Variants in DOCK7 observed in about 807,000 individuals in gnomAD.
DOCK7 encodes dedicator of cytokinesis 7, also known as dedicator of cytokinesis protein 7.
In DOCK7, 138 loss-of-function variants were observed where a neutral mutation model predicts 271.0. The observed-to-expected ratio is 0.51, with a 90% confidence interval of 0.44 to 0.59. The LOEUF (loss-of-function observed/expected upper bound fraction) is 0.59. DOCK7 is among the 20% of genes least tolerant of loss of function. The pLI is 0.00. For synonymous variants in DOCK7, 823 were observed against 876.1 expected, an observed-to-expected ratio of 0.94 and a Z score of 1.07; for missense variants, 2,066 against 2,592.4, an observed-to-expected ratio of 0.80 and a Z score of 4.41.
chr1:62,534,485 C>T (rs147016591), intron 29 of DOCK7, among the ~76,000 whole-genome samples: 5 of 152,096 alleles, frequency 3.3e-5, no homozygotes, highest in South Asian at 4.1e-4. Context: ...AGTGGTGGCA[C>T]GCGCCTGTAG....
intron 14 of DOCK7, among the ~76,000 whole-genome samples, chr1:62,611,709 T>C (rs1161961553): frequency 6.6e-6 from 1 of 152,156 alleles, no homozygotes; most frequent in Non-Finnish European, 1.5e-5. Flanking sequence ...GGCCAAGCTC[T>C]TCCTTGAAAC....
intron 4 of DOCK7, among the ~76,000 whole-genome samples, chr1:62,651,276 C>T (rs1657321744): frequency 8.0e-6 from 1 of 125,536 alleles, no homozygotes; most frequent in Non-Finnish European, 1.6e-5. Context: ...AGGGGAACAT[C>T]ACACACAGGG....
intron 18 of DOCK7, among the ~76,000 whole-genome samples, chr1:62,567,195 G>A (rs1215248791): frequency 1.3e-5 from 2 of 152,152 alleles, no homozygotes; most frequent in Admixed American, 6.5e-5. Context: ...TCCCATTACT[G>A]GGTATATACC....
chr1:62,561,519 C>T (rs1348637711), intron 19 of DOCK7, 98 bp downstream of exon 19: 2 of 592,290 alleles, frequency 3.4e-6, no homozygotes, highest in Non-Finnish European at 5.4e-6. Flanking sequence ...ACAGCAATGA[C>T]AGATTTATGA....
In DOCK7 at chr1:62,505,769, T is replaced by C. The variant is rs764019765; in HGVS notation, c.4524A>G (p.Leu1508=). ...AGGCCATGCTGTGTAGTAGCACTTT[T>C]AGCACTCCACCAAGAATGCTCTCTT... ...ESKESILGGV[L]KVLLHSMACN... Residue 1508 remains leucine, a synonymous_variant, in exon 36 of 50, where the codon CTA becomes CTG. Transcript: ENST00000635253. The C allele has an allele frequency of 6.2e-7, 1 of 1,613,594 alleles. No homozygotes were observed. Among genetic ancestry groups the C allele is most frequent in the East Asian group, 2.2e-5 (1 of 44,834 alleles).
intron 15 of DOCK7, among the ~76,000 whole-genome samples, chr1:62,586,262 T>A (rs879936578): frequency 6.6e-6 from 1 of 152,184 alleles, no homozygotes; most frequent in Non-Finnish European, 1.5e-5. Context: ...ATTCATTTTA[T>A]ATCCTCTGGA....
At position 62,545,059 on chromosome 1, in the gene DOCK7, C is replaced by G. The variant is rs1226643520; in HGVS notation, c.2767-20G>C. 1 of 1,525,594 alleles carries G rather than the reference C, an allele frequency of 6.6e-7. No individual in the cohort carries two copies. Among genetic ancestry groups the G allele is most frequent in the South Asian group, 1.2e-5 (1 of 80,630 alleles). 94.5% of individuals were successfully genotyped at this position (1,525,594 alleles called of 1,614,324 possible). On this transcript the variant is annotated intron_variant, in intron 22 of 49. Coordinates refer to ENST00000635253, the MANE Select transcript of DOCK7 (RefSeq NM_001367561.1). ...TAAACCCTAAGCATATAATAGAAAG[C>G]AGTTTGAAAGGAAAGAAATATTACA...
intron 37 of DOCK7, 147 bp from the exon 38 acceptor site, chr1:62,496,644 C>T (rs537235621): frequency 4.1e-6 from 3 of 734,214 alleles, no homozygotes; most frequent in African/African-American, 1.8e-5. Flanking sequence ...ATATCAAAAT[C>T]TTATTTTAGA....
At chr1:62,553,796 C>T (rs1193099756) in intron 21 of DOCK7, among the ~76,000 whole-genome samples, 1 of 149,442 alleles carries the variant, frequency 6.7e-6, no homozygotes. Flanking sequence ...GTATATTACA[C>T]ATACAATAAA....
At chr1:62,612,941 C>T (rs1046548763) in intron 14 of DOCK7, among the ~76,000 whole-genome samples, 4 of 152,188 alleles carry the variant, frequency 2.6e-5, no homozygotes, top group African/African-American at 9.6e-5. Context: ...GCCAAGAATA[C>T]CATGTGTTCT....
intron 31 of DOCK7, among the ~76,000 whole-genome samples, chr1:62,520,024 T>C (rs1198740200): frequency 6.6e-6 from 1 of 152,160 alleles, no homozygotes; most frequent in Non-Finnish European, 1.5e-5. Context: ...ATTTAATAAA[T>C]GGTGTTCGGA....
chr1:62,666,338 AG>A (rs1659315430), intron 1 of DOCK7, among the ~76,000 whole-genome samples: 1 of 152,220 alleles, frequency 6.6e-6, no homozygotes, highest in Admixed American at 6.5e-5. Context: ...CTTCAAAAAG[AG>A]GCAATCTTTT....
chr1:62,479,832 T>A lies in DOCK7; in HGVS notation c.5509-2007A>T, dbSNP rs187995477. ...CTGAGTAGCTAGGACTACAGAAGCA[T>A]GCCACCACACCCAGCTAATTTTTTG... On this transcript the variant is annotated intron_variant, in intron 43 of 49. Coordinates refer to ENST00000635253, the MANE Select transcript of DOCK7 (RefSeq NM_001367561.1). The A allele has an allele frequency of 6.6e-3, 1,254 of 190,038 alleles. 10 individuals carry two copies. The highest frequency in any genetic ancestry group is 9.3e-3 in the Non-Finnish European group (796 of 85,510). 11.8% of individuals were successfully genotyped at this position (190,038 alleles called of 1,614,324 possible). A position where few individuals can be genotyped will look rare whatever the true frequency, so the allele number is the denominator to read the frequency against.
intron 14 of DOCK7, among the ~76,000 whole-genome samples, chr1:62,616,576 G>A (rs188836911): frequency 3.3e-5 from 5 of 151,844 alleles, no homozygotes; most frequent in Non-Finnish European, 5.9e-5. Context: ...AATGAAGTAA[G>A]AAGGCTTGGG....
intron 48 of DOCK7, among the ~76,000 whole-genome samples, chr1:62,472,247 T>C (rs1369811704): frequency 1.3e-5 from 2 of 151,914 alleles, no homozygotes; most frequent in African/African-American, 2.4e-5. Context: ...TGGGATTACA[T>C]GCGCCCACCA....
Position 62,479,308 on chromosome 1 carries a change from C to T in DOCK7, c.5509-1483G>A, listed in dbSNP as rs187065418. ...AAAGGTATAGTGATGAAAAATATCC[C>T]TACATTTTTGTCCAAAAACATGTAA... is the stretch of plus-strand genomic sequence containing the variant. On this transcript the variant is annotated intron_variant, in intron 43 of 49. Coordinates refer to ENST00000635253, the MANE Select transcript of DOCK7 (RefSeq NM_001367561.1). 4.9e-3 allele frequency among the ~76,000 whole-genome samples: 751 copies of T among 152,140 alleles called. 7 individuals are homozygous for T. The highest frequency in any genetic ancestry group is 6.1e-3 in the Non-Finnish European group (417 of 68,010).
At chr1:62,601,054 A>T in intron 14 of DOCK7, 1 of 1,363,200 alleles carries the variant, frequency 7.3e-7, no homozygotes, top group Non-Finnish European at 1.0e-6. Context: ...GTATCATTTT[A>T]AAAAACAGAT....
At chr1:62,494,866 C>T (rs1377934867) in intron 39 of DOCK7, 1 of 155,186 alleles carries the variant, frequency 6.4e-6, no homozygotes, top group African/African-American at 2.4e-5. Context: ...TTTATTTGTG[C>T]TTTTAATGAA....
intron 18 of DOCK7, among the ~76,000 whole-genome samples, chr1:62,571,340 AACCACAATGAGATACCATCTCAC>A (rs956963147): frequency 1.7e-4 from 26 of 152,342 alleles, no homozygotes; most frequent in African/African-American, 6.0e-4. Flanking sequence ...TGCAAATCAA[AACCACAATGAGATACCATCTCAC>A]ACCACTCAGA....
Sources: allele counts gnomAD v4.1 joint callset (sites outside exome capture counted in the v4.1 genomes callset), GRCh38; gene constraint gnomAD v4.1.1; transcripts MANE v1.5; gene names NCBI Gene and HGNC (gene_info 2026-07-23, HGNC 2026-07-21).